GREB1L: variants seen among roughly 807,000 people sequenced by gnomAD.
GREB1L encodes the protein GREB1 like retinoic acid receptor coactivator, also known as GREB1-like protein.
A neutral mutation model predicts 200.8 loss-of-function variants in GREB1L; 17 were observed. That is an observed-to-expected ratio of 0.08 (90% CI 0.06 to 0.13). The LOEUF (loss-of-function observed/expected upper bound fraction) is 0.13. Among genes scored for constraint, GREB1L ranks in the 10% least tolerant of loss-of-function variants. The pLI is 1.00. For missense variants in GREB1L, 1,657 were observed against 2,367.7 expected, an observed-to-expected ratio of 0.70 and a Z score of 6.23; for synonymous variants, 789 against 893.0, an observed-to-expected ratio of 0.88 and a Z score of 2.08.
At chr18:21,449,339 A>G (rs1309328091) in intron 11 of GREB1L, among the ~76,000 whole-genome samples, 171 bp from the exon 12 acceptor site, 4 of 152,196 alleles carry the variant, frequency 2.6e-5, no homozygotes, top group Non-Finnish European at 4.4e-5. Context: ...AATTTCCAAC[A>G]GGGAATGATT....
intron 1 of GREB1L, among the ~76,000 whole-genome samples, chr18:21,266,091 T>A (rs1207557908): frequency 6.6e-6 from 1 of 152,218 alleles, no homozygotes; most frequent in Non-Finnish European, 1.5e-5. Context: ...TTATCTTTTC[T>A]CATCTCTACC....
intron 1 of GREB1L, among the ~76,000 whole-genome samples, chr18:21,351,691 T>C (rs1159371347): frequency 2.0e-5 from 3 of 151,964 alleles, no homozygotes; most frequent in Admixed American, 6.6e-5. Context: ...TAAGTTTCAA[T>C]AGGCACAGAA....
At chr18:21,479,035 C>A (rs1331931587) in intron 17 of GREB1L, among the ~76,000 whole-genome samples, 1 of 152,082 alleles carries the variant, frequency 6.6e-6, no homozygotes. Context: ...GTGCTCGCCA[C>A]CTTGCCTGGT....
intron 1 of GREB1L, among the ~76,000 whole-genome samples, chr18:21,355,046 C>A (rs1598688255): frequency 6.6e-6 from 1 of 152,236 alleles, no homozygotes; most frequent in South Asian, 2.1e-4. Context: ...GGCCTCAGTT[C>A]CAACCCATGA....
intron 1 of GREB1L, among the ~76,000 whole-genome samples, chr18:21,253,175 G>T (rs2037740199): frequency 6.6e-6 from 1 of 151,614 alleles, no homozygotes; most frequent in Non-Finnish European, 1.5e-5. Flanking sequence ...CATGTTTTCT[G>T]GTTTACCATA....
rs532727382 is a variant in GREB1L at position 21,415,999 on chromosome 18, A to G, written c.832+12005A>G. ...GAGGCAAGAAAATACAACCAATACC[A>G]AGGAGATTAATCAATCAAAACCAGT... is the stretch of plus-strand genomic sequence containing the variant. On this transcript the variant is annotated intron_variant, in intron 7 of 32. Transcript: ENST00000424526. 2.2e-4 allele frequency among the ~76,000 whole-genome samples: 33 copies of G among 152,308 alleles called. No individual in the cohort carries two copies. The East Asian group carries it at 6.0e-3, about 28-fold the overall frequency.
chr18:21,358,653 C>G (rs1006290018), intron 1 of GREB1L, among the ~76,000 whole-genome samples: 19 of 152,144 alleles, frequency 1.2e-4, no homozygotes, highest in African/African-American at 4.3e-4. Context: ...TGTGAGGACA[C>G]AAAGGTGTAA....
At chr18:21,247,942 G>A (rs961132871) in intron 1 of GREB1L, among the ~76,000 whole-genome samples, 4 of 152,088 alleles carry the variant, frequency 2.6e-5, no homozygotes, top group African/African-American at 9.7e-5. Context: ...CAACCCTTCT[G>A]ATACTGAAGC....
intron 1 of GREB1L, among the ~76,000 whole-genome samples, chr18:21,356,929 G>A (rs1296627320): frequency 1.3e-5 from 2 of 152,170 alleles, no homozygotes; most frequent in African/African-American, 4.8e-5. Context: ...GATCAGTGAA[G>A]TTGAGCATTT....
rs978690008 is a variant in GREB1L, at chr18:21,520,838, G to T, written c.5608+15G>T. On this transcript the variant is annotated intron_variant, in intron 32 of 32. Transcript: ENST00000424526. ...ATTTCTAAAAGGTAAGTCAAATTTAGTATCTTGCTTGTAATTGCTATTGGT... is the reference window on the plus strand; with the variant it reads ...ATTTCTAAAAGGTAAGTCAAATTTATTATCTTGCTTGTAATTGCTATTGGT... 2.0e-6 allele frequency: 3 copies of T among 1,520,872 alleles called. No individual in the cohort carries two copies. Among genetic ancestry groups the T allele is most frequent in the African/African-American group, 2.8e-5 (2 of 71,566 alleles). 94.2% of individuals were successfully genotyped at this position (1,520,872 alleles called of 1,614,324 possible).
intron 7 of GREB1L, among the ~76,000 whole-genome samples, chr18:21,405,787 T>TGA (rs1333457246): frequency 6.6e-6 from 1 of 151,336 alleles, no homozygotes; most frequent in Admixed American, 6.6e-5. Context: ...GATGATGGAG[T>TGA]GAGACTCTGT....
chr18:21,451,356 A>G (rs1453956158), intron 13 of GREB1L: 1 of 465,106 alleles, frequency 2.2e-6, no homozygotes, highest in Admixed American at 3.8e-5. Flanking sequence ...ACTGGATTCA[A>G]AAGTCTCAGC....
chr18:21,259,349 G>A (rs1303816488), intron 1 of GREB1L, among the ~76,000 whole-genome samples: 1 of 151,990 alleles, frequency 6.6e-6, no homozygotes, highest in Non-Finnish European at 1.5e-5. Flanking sequence ...TATTCAGTGG[G>A]GATAATAGAA....
At chr18:21,512,642 T>C (rs2037282666) in intron 27 of GREB1L, among the ~76,000 whole-genome samples, 1 of 151,836 alleles carries the variant, frequency 6.6e-6, no homozygotes, top group Admixed American at 6.6e-5. Flanking sequence ...GGTTGCCTTT[T>C]ATTTATTTAT....
At chr18:21,278,761 A>G (rs1168305368) in intron 1 of GREB1L, among the ~76,000 whole-genome samples, 2 of 152,194 alleles carry the variant, frequency 1.3e-5, no homozygotes, top group African/African-American at 4.8e-5. Flanking sequence ...AATCATAAGG[A>G]AAAGATATGT....
In GREB1L at chr18:21,477,364, T is replaced by C; in HGVS notation, c.2556+8T>C. On this transcript the variant is annotated splice_region_variant and intron_variant, in intron 17 of 32. Transcript: ENST00000424526. ...ATACAGCTGGATACTGGGGTGAGTC[T>C]CTTGCCTGCTGTCTGATACACTGTC... The C allele has an allele frequency of 2.6e-6, 4 of 1,535,222 alleles. No homozygotes were observed. Among genetic ancestry groups the C allele is most frequent in the Non-Finnish European group, 3.5e-6 (4 of 1,135,824 alleles).
intron 17 of GREB1L, among the ~76,000 whole-genome samples, chr18:21,479,257 A>G (rs1308005435): frequency 6.6e-6 from 1 of 152,110 alleles, no homozygotes; most frequent in Non-Finnish European, 1.5e-5. Flanking sequence ...GAGTGTAGAG[A>G]CAACTGTCCT....
intron 1 of GREB1L, among the ~76,000 whole-genome samples, chr18:21,317,109 G>A (rs184215214): frequency 3.3e-5 from 5 of 151,946 alleles, no homozygotes; most frequent in African/African-American, 4.8e-5. Flanking sequence ...CTATCCAAGC[G>A]GGTGCCGTGT....
At chr18:21,456,387 C>A (rs2034765710) in intron 15 of GREB1L, among the ~76,000 whole-genome samples, 1 of 152,062 alleles carries the variant, frequency 6.6e-6, no homozygotes, top group South Asian at 2.1e-4. Flanking sequence ...CCCCATTTAC[C>A]CTGATGTGAT....
Sources: gnomAD v4.1 joint callset for allele counts (sites outside exome capture counted in the v4.1 genomes callset) on GRCh38, gnomAD v4.1.1 for gene constraint, MANE v1.5 for transcripts, NCBI Gene and HGNC (gene_info 2026-07-23, HGNC 2026-07-21) for gene names.